JAKMIP2: variants seen among roughly 807,000 people sequenced by gnomAD.
JAKMIP2 encodes the protein janus kinase and microtubule-interacting protein 2.
A neutral mutation model predicts 115.0 loss-of-function variants in JAKMIP2; 25 were observed. The ratio of observed to expected loss-of-function variants is 0.22; its 90% confidence interval spans 0.16 to 0.30. The LOEUF (loss-of-function observed/expected upper bound fraction) is 0.30, where lower values mean the gene tolerates loss of function less well. JAKMIP2 is among the 10% of genes least tolerant of loss of function. The pLI is 1.00. For synonymous variants in JAKMIP2, 334 were observed against 343.6 expected, an observed-to-expected ratio of 0.97 and a Z score of 0.31; for missense variants, 642 against 957.6, an observed-to-expected ratio of 0.67 and a Z score of 4.35.
intron 10 of JAKMIP2, 83 bp downstream of exon 10, chr5:147,639,549 T>C: frequency 6.8e-7 from 1 of 1,463,200 alleles, no homozygotes; most frequent in Non-Finnish European, 9.2e-7. Context: ...AAAGCTGTCT[T>C]ATTGATATTT....
intron 21 of JAKMIP2, among the ~76,000 whole-genome samples, chr5:147,597,008 G>T (rs879608509): frequency 6.6e-6 from 1 of 151,176 alleles, no homozygotes; most frequent in Non-Finnish European, 1.5e-5. Context: ...AAGTAGCTGG[G>T]ATTATAGGCA....
At chr5:147,682,719 G>A (rs540743204) in intron 1 of JAKMIP2, among the ~76,000 whole-genome samples, 3 of 152,254 alleles carry the variant, frequency 2.0e-5, no homozygotes, top group Non-Finnish European at 4.4e-5. Flanking sequence ...CTTTATTATG[G>A]GAAATTTCTT....
At chr5:147,706,430 T>C (rs912102868) in intron 1 of JAKMIP2, among the ~76,000 whole-genome samples, 2 of 152,180 alleles carry the variant, frequency 1.3e-5, no homozygotes, top group Non-Finnish European at 2.9e-5. Context: ...GCAATCTTTC[T>C]GCCCCAGCCT....
chr5:147,626,717 A>C (rs73268125), intron 16 of JAKMIP2, among the ~76,000 whole-genome samples: 2,111 of 152,332 alleles, frequency 0.014, 55 homozygotes, highest in African/African-American at 0.049. Flanking sequence ...GGCAGGGAGC[A>C]GAAGATATTT....
intron 1 of JAKMIP2, among the ~76,000 whole-genome samples, chr5:147,700,710 C>T (rs1752291616): frequency 6.6e-6 from 1 of 152,164 alleles, no homozygotes; most frequent in Admixed American, 6.5e-5. Flanking sequence ...CAGGAATTAG[C>T]AATCTCTGAG....
Position 147,631,325 on chromosome 5 carries a change from A to G in JAKMIP2, c.1875+88T>C. 4.2e-6 allele frequency: 3 copies of G among 719,330 alleles called. No individual in the cohort carries two copies. In the Admixed American group the frequency reaches 8.3e-5, roughly 20 times the overall value. The allele number at this position is 719,330 out of a possible 1,614,324, so 44.6% of individuals were successfully genotyped here. A position where few individuals can be genotyped will look rare whatever the true frequency, so the allele number is the denominator to read the frequency against. On this transcript the variant is annotated intron_variant, in intron 14 of 21. Transcript: ENST00000616793. ...CAAAATGATGACATCCAGTGACTGA[A>G]AGACAAAATAGTCGTAAGTAACCTC...
At position 147,782,677 on chromosome 5, in the gene JAKMIP2, G is replaced by GCAGCAGCAGCAA; in HGVS notation, c.-371_-370insTTGCTGCTGCTG. 1 of 661,108 alleles carries GCAGCAGCAGCAA rather than the reference G, an allele frequency of 1.5e-6. No individual in the cohort carries two copies. The highest frequency in any genetic ancestry group is 1.6e-5 in the South Asian group (1 of 63,334). The allele number at this position is 661,108 out of a possible 1,614,324, so 41.0% of individuals were successfully genotyped here. A position where few individuals can be genotyped will look rare whatever the true frequency, so the allele number is the denominator to read the frequency against. Reference sequence around the variant, plus strand: ...GGCGGCGGCGGCGGCAGCAGCAGCAGCAGCAGCATCACCAGTTGGGCCTCC... The same window carrying GCAGCAGCAGCAA: ...GGCGGCGGCGGCGGCAGCAGCAGCAGCAGCAGCAGCAACAGCAGCATCACCAGTTGGGCCTCC... On this transcript the variant is annotated 5_prime_UTR_variant, in exon 1 of 22. Coordinates refer to ENST00000616793, the MANE Select transcript of JAKMIP2 (RefSeq NM_001270941.2).
At chr5:147,627,280 C>A (rs879208113) in intron 16 of JAKMIP2, among the ~76,000 whole-genome samples, 5 of 152,052 alleles carry the variant, frequency 3.3e-5, no homozygotes, top group Admixed American at 3.3e-4. Flanking sequence ...AACAGGCAGG[C>A]CTCCTCATTA....
chr5:147,654,069 T>A (rs1414740281), intron 3 of JAKMIP2, among the ~76,000 whole-genome samples: 3 of 152,164 alleles, frequency 2.0e-5, no homozygotes, highest in Non-Finnish European at 2.9e-5. Flanking sequence ...CATTGGTCTA[T>A]ATATCTGTTT....
intron 1 of JAKMIP2, among the ~76,000 whole-genome samples, chr5:147,692,634 T>C (rs1011764331): frequency 1.3e-5 from 2 of 152,198 alleles, no homozygotes; most frequent in Admixed American, 6.5e-5. Flanking sequence ...ATGACTAATA[T>C]AAAAACAGTA....
chr5:147,712,282 G>A lies in JAKMIP2; in HGVS notation c.-148-40328C>T, dbSNP rs916114049. ...CTGATCAAGGTTCACATGGGAGTTC[G>A]TCAGCCCAGGGAAAGGATTCAGCCA... is the stretch of plus-strand genomic sequence containing the variant. On this transcript the variant is annotated intron_variant, in intron 1 of 21. Coordinates refer to ENST00000616793, the MANE Select transcript of JAKMIP2 (RefSeq NM_001270941.2). 2.0e-5 allele frequency among the ~76,000 whole-genome samples: 3 copies of A among 151,786 alleles called. No individual in the cohort carries two copies. The South Asian group carries it at 6.5e-4, about 33-fold the overall frequency.
chr5:147,630,385 G>A (rs978875877), intron 14 of JAKMIP2, among the ~76,000 whole-genome samples: 7 of 151,960 alleles, frequency 4.6e-5, no homozygotes, highest in Non-Finnish European at 8.8e-5. Flanking sequence ...ATGCATCGAA[G>A]GAAAAGGCAA....
chr5:147,720,054 ACT>A (rs1724142622), intron 1 of JAKMIP2, among the ~76,000 whole-genome samples: 1 of 150,314 alleles, frequency 6.7e-6, no homozygotes, highest in East Asian at 2.0e-4. Context: ...GTGGTGACAA[ACT>A]CTCTCAGCAT....
chr5:147,633,031 G>A (rs756371941), intron 12 of JAKMIP2, among the ~76,000 whole-genome samples: 7 of 152,184 alleles, frequency 4.6e-5, no homozygotes, highest in Non-Finnish European at 4.4e-5. Flanking sequence ...TAGGAATTCT[G>A]TGAATAGTGA....
chr5:147,604,370 T>C (rs1046184915), intron 20 of JAKMIP2, among the ~76,000 whole-genome samples: 2 of 152,180 alleles, frequency 1.3e-5, no homozygotes, highest in Non-Finnish European at 1.5e-5. Context: ...TTGTTCCTCA[T>C]GGAACCCATG....
intron 1 of JAKMIP2, among the ~76,000 whole-genome samples, chr5:147,764,748 T>C (rs1190911536): frequency 6.6e-6 from 1 of 151,142 alleles, no homozygotes; most frequent in Non-Finnish European, 1.5e-5. Flanking sequence ...TAGCTGGGCA[T>C]GGTGGCACAC....
intron 1 of JAKMIP2, among the ~76,000 whole-genome samples, chr5:147,712,867 C>T (rs527795510): frequency 5.3e-5 from 8 of 152,120 alleles, no homozygotes; most frequent in Non-Finnish European, 8.8e-5. Flanking sequence ...CAAGTAAAAG[C>T]CTAAGTAGTA....
chr5:147,645,544 AGTTTG>A (rs757069195), intron 5 of JAKMIP2, among the ~76,000 whole-genome samples: 13 of 152,190 alleles, frequency 8.5e-5, no homozygotes, highest in Non-Finnish European at 1.9e-4. Context: ...ACCACACGTA[AGTTTG>A]AAACTCTGTG....
chr5:147,739,544 C>T (rs1328825329), intron 1 of JAKMIP2, among the ~76,000 whole-genome samples: 1 of 152,090 alleles, frequency 6.6e-6, no homozygotes. Flanking sequence ...CACAGAAGAG[C>T]CTCTGAAGAG....
Sources: gnomAD v4.1 joint callset for allele counts (sites outside exome capture counted in the v4.1 genomes callset) on GRCh38, gnomAD v4.1.1 for gene constraint, MANE v1.5 for transcripts, NCBI Gene and HGNC (gene_info 2026-07-23, HGNC 2026-07-21) for gene names.